The following PTPRS variants were observed in gnomAD, a reference collection of about 807,000 sequenced individuals.
PTPRS encodes the protein protein tyrosine phosphatase receptor type S.
PTPRS carries 63 observed loss-of-function variants against 215.3 expected under a neutral mutation model. The observed-to-expected ratio is 0.29, with a 90% CI of 0.24 to 0.36. The LOEUF (loss-of-function observed/expected upper bound fraction) is 0.36. Among genes scored for constraint, PTPRS ranks in the 10% least tolerant of loss-of-function variants. The probability of loss-of-function intolerance (pLI) is 1.00; values close to 1 mark genes in which losing one functional copy is unlikely to be tolerated. For synonymous variants in PTPRS, 1,404 were observed against 1,191.4 expected (o/e 1.18, Z -3.68); for missense variants, 2,258 against 2,825.8 (o/e 0.80, Z 4.56).
rs928512312 is a variant in PTPRS at position 5,338,360 on chromosome 19, A to G, written c.-95+2304T>C. On this transcript the variant is annotated intron_variant, in intron 1 of 37. Transcript: ENST00000262963. This position sits in a 1 kb window ranked among gnomAD's most constrained non-coding sequence, Gnocchi z 4.2. ...TGGCCCCCAGGGGGCTGGGAGGCCT[A>G]GCCCCCATGCAGAAGTGCACCGTCA... Among the ~76,000 whole-genome samples, 4 of 151,730 alleles carry G rather than the reference A, an allele frequency of 2.6e-5. No individual in the cohort carries two copies. In the Admixed American group the frequency reaches 2.7e-4, roughly 10 times the overall value.
rs1041351468 is a variant in PTPRS at position 5,331,128 on chromosome 19, T to TAAAAAAA, written c.-95+9529_-95+9535dup. Among the ~76,000 whole-genome samples the TAAAAAAA allele has an allele frequency of 5.7e-4, 57 of 100,138 alleles. 1 individual carries two copies. Among genetic ancestry groups the TAAAAAAA allele is most frequent in the African/African-American group, 2.3e-3 (53 of 23,378 alleles). 65.7% of individuals were successfully genotyped at this position (100,138 alleles called of 152,430 possible). A position where few individuals can be genotyped will look rare whatever the true frequency, so the allele number is the denominator to read the frequency against. ...CAGCATAAGTCAGGGCTTCTTTTTTTAAAAAAAAAAAAAAAAAAAAAAGAG... is the reference window on the plus strand; with the variant it reads ...CAGCATAAGTCAGGGCTTCTTTTTTTAAAAAAAAAAAAAAAAAAAAAAAAAAAAAGAG... On this transcript the variant is annotated intron_variant, in intron 1 of 37. Coordinates refer to ENST00000262963, the MANE Select transcript of PTPRS (RefSeq NM_002850.4).
In PTPRS at chr19:5,293,202, T is replaced by G. The variant is rs2048985741; in HGVS notation, c.-94-6968A>C. On this transcript the variant is annotated intron_variant, in intron 1 of 37. Coordinates refer to ENST00000262963, the MANE Select transcript of PTPRS (RefSeq NM_002850.4). This position sits in a 1 kb window ranked among gnomAD's most constrained non-coding sequence, Gnocchi z 8.4. ...CCTCCACAGGGCCCGCCGCAGCCGC[T>G]CCCCGCGTCCCTCGGTCCGCCCGGA... is the stretch of plus-strand genomic sequence containing the variant. 1 of 149,662 alleles carries G rather than the reference T, an allele frequency of 6.7e-6. No homozygotes were observed. The highest frequency in any genetic ancestry group is 2.5e-5 in the African/African-American group (1 of 40,444). The allele number at this position is 149,662 out of a possible 1,614,324, so 9.3% of individuals were successfully genotyped here. A position where few individuals can be genotyped will look rare whatever the true frequency, so the allele number is the denominator to read the frequency against.
chr19:5,296,936 A>G (rs10423400), intron 1 of PTPRS, among the ~76,000 whole-genome samples: 80,075 of 151,900 alleles, frequency 0.53, 21,600 homozygotes, highest in African/African-American at 0.58. Context: ...GTAGAGGATG[A>G]GGGAGAAAGG....
At chr19:5,216,885 C>CG (rs5826875) in intron 25 of PTPRS, 118 bp from the exon 26 acceptor site, 292,532 of 655,580 alleles carry the variant, frequency 0.45, 67,154 homozygotes, top group East Asian at 0.61. Context: ...ACGCGGACAA[C>CG]GGGGGGTATG....
chr19:5,337,383 G>C (rs10409477), intron 1 of PTPRS, among the ~76,000 whole-genome samples: 15,996 of 152,140 alleles, frequency 0.11, 1,127 homozygotes, highest in African/African-American at 0.2. Context: ...ATGCCACGTC[G>C]CACCACCAAG....
At chr19:5,301,157 G>A (rs59179576) in intron 1 of PTPRS, among the ~76,000 whole-genome samples, 13,637 of 152,206 alleles carry the variant, frequency 0.09, 908 homozygotes, top group African/African-American at 0.18. Context: ...GGCCACAGCC[G>A]GAGTCAGCTC....
chr19:5,307,956 T>A (rs907664293), intron 1 of PTPRS, among the ~76,000 whole-genome samples: 3 of 152,146 alleles, frequency 2.0e-5, no homozygotes, highest in Admixed American at 6.5e-5. Flanking sequence ...ACAGAGATCA[T>A]CCGGCCGGCA....
At chr19:5,234,921 AAT>A (rs944660887) in intron 13 of PTPRS, among the ~76,000 whole-genome samples, 2 of 151,682 alleles carry the variant, frequency 1.3e-5, no homozygotes, top group Non-Finnish European at 2.9e-5. Context: ...ACGGAATGTT[AAT>A]AGTTTTCATT....
intron 1 of PTPRS, among the ~76,000 whole-genome samples, chr19:5,332,548 G>A (rs1367094036): frequency 6.6e-6 from 1 of 152,114 alleles, no homozygotes; most frequent in Non-Finnish European, 1.5e-5. Flanking sequence ...TGGCCCATAC[G>A]ACCCGCTGGA....
At chr19:5,229,989 C>T (rs529480984) in intron 14 of PTPRS, among the ~76,000 whole-genome samples, 1 of 152,154 alleles carries the variant, frequency 6.6e-6, no homozygotes, top group African/African-American at 2.4e-5. Context: ...TCATCATAAC[C>T]CTGCAAGATA....
intron 5 of PTPRS, among the ~76,000 whole-genome samples, chr19:5,263,348 C>T (rs1333157135): frequency 2.0e-5 from 3 of 152,106 alleles, no homozygotes; most frequent in African/African-American, 4.8e-5. Context: ...ACATTCTGGG[C>T]TCCACGTCTG....
chr19:5,320,011 A>G lies in PTPRS; in HGVS notation c.-95+20653T>C, dbSNP rs553585696. 5.4e-4 allele frequency among the ~76,000 whole-genome samples: 82 copies of G among 152,232 alleles called. 1 individual carries two copies. Among genetic ancestry groups the G allele is most frequent in the African/African-American group, 1.8e-3 (74 of 41,548 alleles). On this transcript the variant is annotated intron_variant, in intron 1 of 37. Coordinates refer to ENST00000262963, the MANE Select transcript of PTPRS (RefSeq NM_002850.4). ...TTATTGCTTCAGGGTCCCGGCACAG[A>G]GCCTGGTGGACAGGAGGCATCTGAG...
chr19:5,239,156 G>C, intron 12 of PTPRS, 93 bp from the exon 13 acceptor site: 1 of 746,722 alleles, frequency 1.3e-6, no homozygotes. Context: ...GAAACAGAGG[G>C]GGGAGGGGGA....
chr19:5,325,410 A>T (rs2050141998), intron 1 of PTPRS, among the ~76,000 whole-genome samples: 1 of 152,210 alleles, frequency 6.6e-6, no homozygotes, highest in Non-Finnish European at 1.5e-5. Flanking sequence ...ATATTGGGAG[A>T]TCCCGCCACA....
At chr19:5,214,843 C>A (rs1040077789) in intron 28 of PTPRS, 107 bp from the exon 29 acceptor site, 3 of 1,175,442 alleles carry the variant, frequency 2.6e-6, no homozygotes, top group Non-Finnish European at 3.5e-6. Flanking sequence ...CCCAGATTGT[C>A]CCCAAGGTGA....
chr19:5,266,278 A>C (rs150176860), intron 4 of PTPRS, among the ~76,000 whole-genome samples: 1,778 of 151,982 alleles, frequency 0.012, 42 homozygotes, highest in African/African-American at 0.038. Context: ...CAAACTAAAA[A>C]TAAAAATAAA....
intron 1 of PTPRS, among the ~76,000 whole-genome samples, chr19:5,335,778 C>T (rs904744458): frequency 6.6e-6 from 1 of 152,108 alleles, no homozygotes; most frequent in Non-Finnish European, 1.5e-5. Context: ...AGGCTCTGAA[C>T]CCCCAACCAG....
intron 13 of PTPRS, 51 bp downstream of exon 13, chr19:5,238,868 G>A: frequency 1.3e-6 from 2 of 1,507,040 alleles, no homozygotes; most frequent in Non-Finnish European, 1.8e-6. Flanking sequence ...GCTGTCTGCG[G>A]TCAGGCCGTG....
intron 17 of PTPRS, among the ~76,000 whole-genome samples, chr19:5,224,000 G>A (rs879399313): frequency 5.9e-5 from 9 of 151,834 alleles, no homozygotes; most frequent in Admixed American, 3.3e-4. Context: ...CCAACATGGT[G>A]AAACCCTGTC....
Sources: gnomAD v4.1 joint callset for allele counts (sites outside exome capture counted in the v4.1 genomes callset) on GRCh38, gnomAD v4.1.1 for gene constraint, Gnocchi (gnomAD v3.1) non-coding constraint, MANE v1.5 for transcripts, NCBI Gene and HGNC (gene_info 2026-07-23, HGNC 2026-07-21) for gene names.